DYSF: variants seen among roughly 807,000 people sequenced by gnomAD.
DYSF encodes the protein dystrophy-associated fer-1-like 1.
A neutral mutation model predicts 274.9 loss-of-function variants in DYSF; 212 were observed. The ratio of observed to expected loss-of-function variants is 0.77; its 90% CI spans 0.69 to 0.86. The LOEUF is 0.86. Among genes scored for constraint, DYSF ranks in the 40% least tolerant of loss-of-function variants. DYSF has a pLI of 0.00. For missense variants in DYSF, 2,666 were observed against 2,783.2 expected (o/e 0.96, Z 0.95); for synonymous variants, 1,091 against 1,078.7 (o/e 1.01, Z -0.22).
chr2:71,589,199 G>A (rs369558390), intron 30 of DYSF, among the ~76,000 whole-genome samples: 1 of 152,144 alleles, frequency 6.6e-6, no homozygotes, highest in African/African-American at 2.4e-5. Flanking sequence ...TGGCAGAGAT[G>A]GGGACCCAGA....
chr2:71,652,025 CA>C, intron 42 of DYSF, among the ~76,000 whole-genome samples: 1 of 151,982 alleles, frequency 6.6e-6, no homozygotes, highest in East Asian at 1.9e-4. Flanking sequence ...AGCTAACAGC[CA>C]ACATCCAACT....
chr2:71,479,225 G>A (rs1240860790), intron 1 of DYSF, among the ~76,000 whole-genome samples: 2 of 124,756 alleles, frequency 1.6e-5, no homozygotes, highest in East Asian at 2.1e-4. Context: ...GCGCCCCATC[G>A]TTTCTTTTCC....
intron 6 of DYSF, 22 bp downstream of exon 6, chr2:71,513,354 T>C (rs373182649): frequency 3.9e-6 from 6 of 1,547,788 alleles, no homozygotes; most frequent in Non-Finnish European, 5.2e-6. Flanking sequence ...GCCAGGACTG[T>C]CCTGATCCCA....
Position 71,564,224 on chromosome 2 carries a change from T to C in DYSF, c.2565+11T>C. 2.5e-6 allele frequency: 4 copies of C among 1,614,232 alleles called. No individual in the cohort carries two copies. Among genetic ancestry groups the C allele is most frequent in the Non-Finnish European group, 3.4e-6 (4 of 1,180,024 alleles). On this transcript the variant is annotated intron_variant, in intron 24 of 55. Transcript: ENST00000410020. ...ACAATCTTTCTGAAAGTGAGTTTTC[T>C]TTTTTCCCAAGTCATGATCGTATTT...
At chr2:71,668,994 C>T in intron 49 of DYSF, 118 bp from the exon 50 acceptor site, 1 of 1,284,298 alleles carries the variant, frequency 7.8e-7, no homozygotes, top group Non-Finnish European at 1.1e-6. Context: ...GGCCAGTGTC[C>T]AGCCAGGCAG....
intron 17 of DYSF, among the ~76,000 whole-genome samples, chr2:71,546,389 G>T (rs2090477610): frequency 6.6e-6 from 1 of 152,370 alleles, no homozygotes; most frequent in South Asian, 2.1e-4. Flanking sequence ...TTCACCAGAT[G>T]ATTTGGTTCA....
At chr2:71,459,381 G>A (rs1264221698) in intron 1 of DYSF, among the ~76,000 whole-genome samples, 1 of 152,124 alleles carries the variant, frequency 6.6e-6, no homozygotes, top group African/African-American at 2.4e-5. Flanking sequence ...AGGAAGGTAG[G>A]GCCACAAATA....
chr2:71,476,431 C>T (rs994234798), intron 1 of DYSF, among the ~76,000 whole-genome samples: 5 of 151,728 alleles, frequency 3.3e-5, no homozygotes, highest in African/African-American at 1.2e-4. Flanking sequence ...GTCGCGGCTA[C>T]TCGGGAGGCT....
intron 22 of DYSF, among the ~76,000 whole-genome samples, chr2:71,559,731 G>A (rs2091596049): frequency 1.3e-5 from 2 of 152,358 alleles, no homozygotes; most frequent in Non-Finnish European, 2.9e-5. Flanking sequence ...GTGCAGCTCA[G>A]GGCCACTTCC....
At chr2:71,645,418 G>C (rs553790528) in intron 42 of DYSF, among the ~76,000 whole-genome samples, 1 of 152,112 alleles carries the variant, frequency 6.6e-6, no homozygotes, top group African/African-American at 2.4e-5. Flanking sequence ...CTGCTGGCCT[G>C]CTGAGGCCTG....
rs750763703 is a variant in DYSF, at chr2:71,598,570, A to T, written c.3581A>T (p.Tyr1194Phe). 1 of 1,614,130 alleles carries T rather than the reference A, an allele frequency of 6.2e-7. No homozygotes were observed. The highest frequency in any genetic ancestry group is 1.1e-5 in the South Asian group (1 of 91,080). ...AMDKDSFSDPYAIVSFLHQSQ... is the reference protein window; with the variant it reads ...AMDKDSFSDPFAIVSFLHQSQ... ...CCCTCTCCGGCCCATGCAGATCCCT[A>T]TGCCATCGTCTCCTTCCTGCACCAG... is the stretch of plus-strand genomic sequence containing the variant. The change falls in exon 33 of 56, where the codon TAT becomes TTT. Residue 1194 changes from tyrosine to phenylalanine, a missense_variant. Around this residue, in one of 3 missense-constraint regions of DYSF, gnomAD observed 1,460 missense variants for 1,502.1 expected, o/e 0.97. Transcript: ENST00000410020.
intron 42 of DYSF, among the ~76,000 whole-genome samples, chr2:71,652,818 C>G (rs1198152071): frequency 6.6e-6 from 1 of 152,112 alleles, no homozygotes; most frequent in Non-Finnish European, 1.5e-5. Context: ...GAGAAGAGAT[C>G]ACAAACAAAC....
chr2:71,554,017 C>T, intron 21 of DYSF, 86 bp downstream of exon 21: 1 of 1,589,256 alleles, frequency 6.3e-7, no homozygotes, highest in Non-Finnish European at 8.6e-7. Flanking sequence ...CCACCACCCA[C>T]TGGTGCACAC....
intron 17 of DYSF, among the ~76,000 whole-genome samples, chr2:71,548,882 C>T (rs74493510): frequency 0.018 from 2,699 of 152,318 alleles, 74 homozygotes; most frequent in African/African-American, 0.062. Context: ...GTCCCAAGCA[C>T]GACCTGCCTG....
rs142799339 is a variant in DYSF at position 71,596,711 on chromosome 2, A to G, written c.3575-1853A>G. Among the ~76,000 whole-genome samples, 471 of 152,226 alleles carry G rather than the reference A, an allele frequency of 3.1e-3. 3 individuals carry two copies. The highest frequency in any genetic ancestry group is 0.011 in the African/African-American group (440 of 41,536). On this transcript the variant is annotated intron_variant, in intron 32 of 55. Transcript: ENST00000410020. ...CTCCTTCCCCTGCCAAGGGCCTCCC[A>G]TTGCCCTCTTCTGTTCCACAGAATC...
chr2:71,551,008 C>A, intron 17 of DYSF, 33 bp from the exon 18 acceptor site: 1 of 1,599,114 alleles, frequency 6.3e-7, no homozygotes, highest in Non-Finnish European at 8.6e-7. Flanking sequence ...CCCCACTGGG[C>A]CGACCCCTCT....
chr2:71,665,114 A>T, intron 46 of DYSF, 48 bp from the exon 47 acceptor site: 1 of 1,611,328 alleles, frequency 6.2e-7, no homozygotes, highest in Non-Finnish European at 8.5e-7. Context: ...CTCTACCCTC[A>T]TGAGTGTCCT....
chr2:71,520,403 C>T (rs1373220215), intron 11 of DYSF, among the ~76,000 whole-genome samples, 195 bp downstream of exon 11: 1 of 152,190 alleles, frequency 6.6e-6, no homozygotes, highest in Non-Finnish European at 1.5e-5. Flanking sequence ...TCACCTGTGT[C>T]TCCGTTGGCC....
At chr2:71,576,526 A>C (rs537139890) in intron 30 of DYSF, 2 of 156,928 alleles carry the variant, frequency 1.3e-5, no homozygotes, top group Non-Finnish European at 2.8e-5. Context: ...CCAGAGGTGG[A>C]CAGTGGGGAC....
Sources: allele counts gnomAD v4.1 joint callset (sites outside exome capture counted in the v4.1 genomes callset), GRCh38; gene constraint gnomAD v4.1.1; regional missense constraint gnomAD v4.1.1; transcripts MANE v1.5; gene names NCBI Gene and HGNC (gene_info 2026-07-23, HGNC 2026-07-21).